MAST2: variants seen among roughly 807,000 people sequenced by gnomAD.
MAST2 encodes microtubule-associated serine/threonine-protein kinase 2.
A neutral mutation model predicts 147.4 loss-of-function variants in MAST2; 70 were observed. That is an observed-to-expected ratio of 0.47 (90% CI 0.39 to 0.58). MAST2 has a LOEUF of 0.58. Ranked by LOEUF, MAST2 falls within the 20% of genes least tolerant of loss-of-function variation. The pLI is 0.00. For synonymous variants in MAST2, 869 were observed against 896.8 expected (o/e 0.97, Z 0.55); for missense variants, 2,080 against 2,302.3 (o/e 0.90, Z 1.98).
intron 4 of MAST2, among the ~76,000 whole-genome samples, chr1:45,946,700 G>T (rs1276525434): frequency 6.6e-6 from 1 of 152,210 alleles, no homozygotes; most frequent in African/African-American, 2.4e-5. Context: ...ATTCAGGATT[G>T]TTCAGTGTAG....
At chr1:45,851,639 T>C (rs1417559674) in intron 3 of MAST2, among the ~76,000 whole-genome samples, 1 of 152,200 alleles carries the variant, frequency 6.6e-6, no homozygotes, top group Non-Finnish European at 1.5e-5. Flanking sequence ...GATATGTTCC[T>C]TGGATGCCTA....
chr1:45,845,384 TA>T (rs979730014), intron 3 of MAST2, among the ~76,000 whole-genome samples: 2 of 152,172 alleles, frequency 1.3e-5, no homozygotes, highest in African/African-American at 4.8e-5. Context: ...TTTCAGAGGT[TA>T]AAAAAAGTTA....
chr1:45,967,769 C>G (rs1330065126), intron 5 of MAST2, among the ~76,000 whole-genome samples: 1 of 152,176 alleles, frequency 6.6e-6, no homozygotes, highest in Non-Finnish European at 1.5e-5. Flanking sequence ...CAGTTCAAAC[C>G]TGTGTTGTTC....
intron 5 of MAST2, among the ~76,000 whole-genome samples, chr1:45,966,158 G>T (rs546318893): frequency 6.6e-6 from 1 of 152,064 alleles, no homozygotes; most frequent in Non-Finnish European, 1.5e-5. Context: ...TTAGTAATAC[G>T]TACTGAAGTT....
Position 46,010,735 on chromosome 1 carries a change from C to G in MAST2, c.984C>G (p.Thr328=). The G allele has an allele frequency of 6.2e-7, 1 of 1,613,026 alleles. No homozygotes were observed. The highest frequency in any genetic ancestry group is 8.5e-7 in the Non-Finnish European group (1 of 1,179,854). Residue 328 remains threonine (T), a synonymous_variant, in exon 10 of 29, where the codon ACC becomes ACG. Transcript: ENST00000361297. The stretch of plus-strand genomic sequence containing the variant: ...TTTCTTGCTTTTCTTCCCAGGCCAC[C>G]GCACAAATGGAAGAGCGACTAGCAG... ...HVYKERFPKA[T]AQMEERLAEF...
chr1:45,930,551 A>G (rs765899213), intron 4 of MAST2, among the ~76,000 whole-genome samples: 6 of 152,174 alleles, frequency 3.9e-5, no homozygotes, highest in Admixed American at 6.5e-5. Flanking sequence ...ATGCCCACAT[A>G]GGCAATAGAA....
intron 4 of MAST2, among the ~76,000 whole-genome samples, chr1:45,944,630 A>C (rs1487123426): frequency 2.6e-5 from 4 of 152,186 alleles, no homozygotes; most frequent in Non-Finnish European, 4.4e-5. Context: ...TTAATCTCCT[A>C]ATTTAATCTT....
intron 4 of MAST2, among the ~76,000 whole-genome samples, chr1:45,883,280 T>G (rs1444636817): frequency 1.3e-5 from 2 of 152,230 alleles, no homozygotes; most frequent in African/African-American, 4.8e-5. Flanking sequence ...TATGCAATTT[T>G]TAAATGTTTA....
intron 9 of MAST2, among the ~76,000 whole-genome samples, chr1:46,009,707 A>G (rs934448750): frequency 2.0e-5 from 3 of 152,172 alleles, no homozygotes; most frequent in East Asian, 1.9e-4. Context: ...AGGATGAACT[A>G]TTGTTGGAGA....
intron 4 of MAST2, among the ~76,000 whole-genome samples, chr1:45,939,566 A>T (rs1363103748): frequency 6.6e-6 from 1 of 151,880 alleles, no homozygotes; most frequent in Non-Finnish European, 1.5e-5. Flanking sequence ...CGCAGGGGAC[A>T]GTCTTGCTTG....
intron 5 of MAST2, among the ~76,000 whole-genome samples, chr1:45,984,963 G>A (rs1158833671): frequency 1.3e-5 from 2 of 152,040 alleles, no homozygotes; most frequent in Admixed American, 1.3e-4. Context: ...AATATGTAAG[G>A]TATTTAATAT....
intron 10 of MAST2, among the ~76,000 whole-genome samples, chr1:46,017,399 T>C (rs1197564069): frequency 2.0e-5 from 3 of 152,094 alleles, no homozygotes; most frequent in South Asian, 4.2e-4. Context: ...ACCTACAAAA[T>C]GGGAGAAAAT....
At chr1:45,909,784 G>A (rs1220381421) in intron 4 of MAST2, among the ~76,000 whole-genome samples, 2 of 151,980 alleles carry the variant, frequency 1.3e-5, no homozygotes, top group Non-Finnish European at 2.9e-5. Flanking sequence ...CCAAAGTGCT[G>A]GGATTACAGG....
At chr1:45,952,514 T>C (rs937821317) in intron 4 of MAST2, among the ~76,000 whole-genome samples, 5 of 152,140 alleles carry the variant, frequency 3.3e-5, no homozygotes. Context: ...TTTAAAAGGG[T>C]GAATTTTATA....
In MAST2 at chr1:45,884,276, G is replaced by A. The variant is rs188428469; in HGVS notation, c.500+1881G>A. Among the ~76,000 whole-genome samples the A allele has an allele frequency of 4.6e-5, 7 of 152,110 alleles. No individual in the cohort carries two copies. The East Asian group carries it at 7.7e-4, about 17-fold the overall frequency. On this transcript the variant is annotated intron_variant, in intron 4 of 28. Transcript: ENST00000361297. ...GTAATATCTACTCTGGGTCAGGTGC[G>A]GTGGCTCACACCTATAGTCCCAGCA...
chr1:46,001,050 G>C (rs912307460), intron 6 of MAST2: 12 of 1,160,634 alleles, frequency 1.0e-5, no homozygotes, highest in Non-Finnish European at 1.4e-5. Flanking sequence ...GGTTTGTGAT[G>C]TTGTGGTTGG....
At chr1:45,979,159 G>T (rs4660328) in intron 5 of MAST2, among the ~76,000 whole-genome samples, 51,503 of 152,012 alleles carry the variant, frequency 0.34, 9,105 homozygotes, top group African/African-American at 0.43. Flanking sequence ...GAGGGATTAT[G>T]TGGAGGGATT....
chr1:45,818,897 C>G (rs920796737), intron 1 of MAST2, among the ~76,000 whole-genome samples: 1 of 152,130 alleles, frequency 6.6e-6, no homozygotes, highest in Non-Finnish European at 1.5e-5. Context: ...AAATAAGTCT[C>G]TAGCCAAAAA....
At chr1:45,821,657 C>G (rs189700287) in intron 1 of MAST2, among the ~76,000 whole-genome samples, 2 of 149,164 alleles carry the variant, frequency 1.3e-5, no homozygotes, top group Admixed American at 1.3e-4. Flanking sequence ...GTAGCTGGAA[C>G]TACAGGCATG....
Sources: allele counts gnomAD v4.1 joint callset (sites outside exome capture counted in the v4.1 genomes callset), GRCh38; gene constraint gnomAD v4.1.1; transcripts MANE v1.5; gene names NCBI Gene and HGNC (gene_info 2026-07-23, HGNC 2026-07-21).